Variants in ZFHX3 observed in about 807,000 individuals in gnomAD.
ZFHX3 encodes the protein zinc finger homeobox protein 3.
Under a neutral mutation model 279.1 loss-of-function variants are expected in ZFHX3, and 42 were observed. The ratio of observed to expected loss-of-function variants is 0.15; its 90% confidence interval spans 0.12 to 0.19. The LOEUF is 0.19. Ranked by LOEUF, ZFHX3 falls within the 10% of genes least tolerant of loss-of-function variation. The pLI, the probability that ZFHX3 is intolerant of heterozygous loss-of-function variation, is 1.00. For synonymous variants in ZFHX3, 2,293 were observed against 1,957.8 expected (o/e 1.17, Z -4.52); for missense variants, 4,981 against 4,754.0 (o/e 1.05, Z -1.40).
chr16:73,418,804 T>A (rs1345115953), intron 3 of ZFHX3, among the ~76,000 whole-genome samples: 2 of 152,308 alleles, frequency 1.3e-5, no homozygotes, highest in East Asian at 1.9e-4. Context: ...TGGCAAAACA[T>A]TTACATTCCT....
At chr16:72,999,614 C>T (rs7200212) in intron 1 of ZFHX3, among the ~76,000 whole-genome samples, 48,451 of 152,066 alleles carry the variant, frequency 0.32, 7,751 homozygotes, top group Admixed American at 0.39. Flanking sequence ...CAGATCTGGG[C>T]AGGATTGGCT....
rs552093483 is a variant in ZFHX3, at chr16:73,308,762, T to C, written c.-1194+9478A>G. ...TTGAGAAGACATATGAGTATTAGAC[T>C]TTTTTTTTCCTGCAGGAAGTTTACA... On this transcript the variant is annotated intron_variant, in intron 4 of 17. Transcript: ENST00000641206. 4.2e-4 allele frequency among the ~76,000 whole-genome samples: 63 copies of C among 151,024 alleles called. No homozygotes were observed. The East Asian group carries it at 0.012, about 29-fold the overall frequency.
intron 1 of ZFHX3, among the ~76,000 whole-genome samples, chr16:73,777,285 T>TGAG (rs1217450572): frequency 1.3e-5 from 2 of 151,950 alleles, no homozygotes; most frequent in Non-Finnish European, 2.9e-5. Flanking sequence ...AGGAGGATCA[T>TGAG]GAGGTCAGGA....
intron 2 of ZFHX3, among the ~76,000 whole-genome samples, chr16:73,637,013 T>A (rs913442173): frequency 6.6e-6 from 1 of 152,140 alleles, no homozygotes; most frequent in South Asian, 2.1e-4. Flanking sequence ...TTAAAATATA[T>A]ACAAGTACAA....
At chr16:73,702,924 A>T (rs114489718) in intron 1 of ZFHX3, among the ~76,000 whole-genome samples, 199 of 152,296 alleles carry the variant, frequency 1.3e-3, no homozygotes, top group African/African-American at 4.6e-3. Context: ...GAACCTCATA[A>T]CTACCTAATG....
intron 5 of ZFHX3, among the ~76,000 whole-genome samples, chr16:73,256,549 G>A (rs1443746904): frequency 6.6e-6 from 1 of 152,234 alleles, no homozygotes; most frequent in African/African-American, 2.4e-5. Context: ...CTGGGATGAG[G>A]AAGTTTTTAG....
intron 4 of ZFHX3, among the ~76,000 whole-genome samples, chr16:73,268,160 CT>C (rs1349755832): frequency 2.6e-5 from 4 of 151,964 alleles, no homozygotes; most frequent in Non-Finnish European, 4.4e-5. Flanking sequence ...ACTCTTCTTC[CT>C]TTTTTTTCCC....
intron 4 of ZFHX3, among the ~76,000 whole-genome samples, chr16:72,830,134 C>T (rs544880016): frequency 4.6e-5 from 7 of 152,312 alleles, no homozygotes; most frequent in South Asian, 2.1e-4. Flanking sequence ...CTGAATGCTT[C>T]GCTTGAGTAG....
chr16:72,942,067 T>C (rs1284245975), intron 3 of ZFHX3, among the ~76,000 whole-genome samples: 1 of 152,214 alleles, frequency 6.6e-6, no homozygotes, highest in Non-Finnish European at 1.5e-5. Flanking sequence ...TTCCTGACTA[T>C]GTTCCTGACA....
At chr16:73,268,852 C>T (rs2014060237) in intron 4 of ZFHX3, among the ~76,000 whole-genome samples, 1 of 152,162 alleles carries the variant, frequency 6.6e-6, no homozygotes, top group Non-Finnish European at 1.5e-5. Context: ...CAGCGAGCAA[C>T]AGGGAACCCA....
At chr16:73,480,815 C>T (rs556396127) in intron 2 of ZFHX3, among the ~76,000 whole-genome samples, 61 of 152,278 alleles carry the variant, frequency 4.0e-4, no homozygotes, top group South Asian at 4.1e-4. Flanking sequence ...CACACATTGG[C>T]CCTTATGGGA....
intron 2 of ZFHX3, among the ~76,000 whole-genome samples, chr16:73,483,930 GT>G (rs1220305940): frequency 0.3 from 39,415 of 129,806 alleles, 5,831 homozygotes; most frequent in Non-Finnish European, 0.37. Context: ...CTCTGCCTTT[GT>G]TTTTTTTTTT....
chr16:73,408,492 G>A (rs941812082), intron 3 of ZFHX3, among the ~76,000 whole-genome samples: 3 of 152,164 alleles, frequency 2.0e-5, no homozygotes, highest in Non-Finnish European at 4.4e-5. Flanking sequence ...GTGCAGTCCA[G>A]CCAAGAAATA....
At chr16:73,369,404 T>C (rs569621952) in intron 3 of ZFHX3, among the ~76,000 whole-genome samples, 3 of 152,216 alleles carry the variant, frequency 2.0e-5, no homozygotes, top group Non-Finnish European at 2.9e-5. Context: ...TCAGAATCTT[T>C]GCAAATGCAC....
chr16:73,409,910 C>T (rs1448108136), intron 3 of ZFHX3, among the ~76,000 whole-genome samples: 1 of 139,608 alleles, frequency 7.2e-6, no homozygotes, highest in Non-Finnish European at 1.5e-5. Flanking sequence ...TAAAAATGAA[C>T]AACAATTGAA....
At chr16:73,150,757 C>G (rs1465113366) in intron 5 of ZFHX3, among the ~76,000 whole-genome samples, 1 of 152,192 alleles carries the variant, frequency 6.6e-6, no homozygotes. Flanking sequence ...ATGACAGAGC[C>G]TGTATACATC....
chr16:72,921,684 C>G (rs1310986023), intron 3 of ZFHX3, among the ~76,000 whole-genome samples: 1 of 152,118 alleles, frequency 6.6e-6, no homozygotes, highest in Non-Finnish European at 1.5e-5. Context: ...AGAAGGGGAT[C>G]GAGGAGTCTG....
intron 1 of ZFHX3, among the ~76,000 whole-genome samples, chr16:73,711,002 T>C (rs1597076975): frequency 6.6e-6 from 1 of 152,382 alleles, no homozygotes; most frequent in Non-Finnish European, 1.5e-5. Context: ...CTGGTCATTA[T>C]ACGGAAAGAC....
rs117343912 is a variant in ZFHX3, at chr16:73,211,500, G to A, written c.-1104+45547C>T. Among the ~76,000 whole-genome samples, 91 of 152,194 alleles carry A rather than the reference G, an allele frequency of 6.0e-4. 1 individual carries two copies. The East Asian group carries it at 0.017, about 28-fold the overall frequency. Reference sequence around the variant, plus strand: ...AGAAATGAGCAGAAATCCAAGAGAAGTAAAAATACAAAGCACGGGGAAATA... The same window carrying A: ...AGAAATGAGCAGAAATCCAAGAGAAATAAAAATACAAAGCACGGGGAAATA... On this transcript the variant is annotated intron_variant, in intron 5 of 17. Coordinates refer to the ZFHX3 transcript ENST00000641206.
Sources: gnomAD v4.1 joint callset for allele counts (sites outside exome capture counted in the v4.1 genomes callset) on GRCh38, gnomAD v4.1.1 for gene constraint, MANE v1.5 for transcripts, NCBI Gene and HGNC (gene_info 2026-07-23, HGNC 2026-07-21) for gene names.